The following PRKN variants were observed in gnomAD, a reference collection of about 807,000 sequenced individuals.
The protein encoded by PRKN is E3 ubiquitin-protein ligase parkin.
A neutral mutation model predicts 59.5 loss-of-function variants in PRKN; 56 were observed. The observed-to-expected ratio is 0.94, with a 90% CI of 0.76 to 1.18. The LOEUF is 1.18. Among genes scored for constraint, PRKN ranks in the 50% most tolerant of loss-of-function variants. The pLI, the probability that PRKN is intolerant of heterozygous loss-of-function variation, is 0.00. For missense variants in PRKN, 657 were observed against 596.4 expected (o/e 1.10, Z -1.06); for synonymous variants, 250 against 222.1 (o/e 1.13, Z -1.12).
chr6:162,490,584 T>G (rs1792764470), intron 1 of PRKN, among the ~76,000 whole-genome samples: 1 of 152,222 alleles, frequency 6.6e-6, no homozygotes, highest in Non-Finnish European at 1.5e-5. Flanking sequence ...CTTTTTTCTT[T>G]AAGAAAACAA....
chr6:162,647,949 C>CAAAAAAAAAAAAAAAAAAAAAAAAAAA lies in PRKN; in HGVS notation c.7+79686_7+79712dup, dbSNP rs398003250. Reference sequence around the variant, plus strand: ...GAACCATCTCTATATGTCCACAGTGCAAAAAAAAAAAAAAAAAAAAAAAAA... The same window carrying CAAAAAAAAAAAAAAAAAAAAAAAAAAA: ...GAACCATCTCTATATGTCCACAGTGCAAAAAAAAAAAAAAAAAAAAAAAAAAAAAAAAAAAAAAAAAAAAAAAAAAAA... On this transcript the variant is annotated intron_variant, in intron 1 of 11. Coordinates refer to ENST00000366898, the MANE Select transcript of PRKN (RefSeq NM_004562.3). 1.1e-4 allele frequency among the ~76,000 whole-genome samples: 8 copies of CAAAAAAAAAAAAAAAAAAAAAAAAAAA among 75,650 alleles called. 3 individuals are homozygous for CAAAAAAAAAAAAAAAAAAAAAAAAAAA. Among genetic ancestry groups the CAAAAAAAAAAAAAAAAAAAAAAAAAAA allele is most frequent in the Admixed American group, 3.4e-4 (2 of 5,826 alleles). The allele number at this position is 75,650 out of a possible 152,430, so 49.6% of individuals were successfully genotyped here.
intron 9 of PRKN, among the ~76,000 whole-genome samples, chr6:161,438,824 C>A (rs1053557951): frequency 1.9e-4 from 29 of 152,120 alleles, no homozygotes; most frequent in Non-Finnish European, 4.4e-5. Flanking sequence ...AATTAACATA[C>A]ATTTTATTAA....
At chr6:161,906,581 A>G (rs1459576244) in intron 6 of PRKN, among the ~76,000 whole-genome samples, 2 of 151,346 alleles carry the variant, frequency 1.3e-5, no homozygotes, top group African/African-American at 4.9e-5. Context: ...TATTTTTACA[A>G]CCTTCTAGGG....
At position 161,388,229 on chromosome 6, in the gene PRKN, A is replaced by C. The variant is rs769463016; in HGVS notation, c.1084-1352T>G. On this transcript the variant is annotated intron_variant, in intron 9 of 11. Coordinates refer to ENST00000366898, the MANE Select transcript of PRKN (RefSeq NM_004562.3). This position sits in a 1 kb window ranked among gnomAD's most constrained non-coding sequence, Gnocchi z 4.3. ...CCTTGGTTTCCACCTTGGAAATGCT[A>C]GGATAACAGCGATAGCTTTCTCATA... Among the ~76,000 whole-genome samples, 11 of 152,188 alleles carry C rather than the reference A, an allele frequency of 7.2e-5. No homozygotes were observed. Among genetic ancestry groups the C allele is most frequent in the Non-Finnish European group, 1.0e-4 (7 of 68,026 alleles).
chr6:162,656,597 G>C (rs1229171764), intron 1 of PRKN, among the ~76,000 whole-genome samples: 3 of 152,156 alleles, frequency 2.0e-5, no homozygotes, highest in African/African-American at 7.2e-5. Context: ...GCACATGAAT[G>C]CAAGTCTGTA....
chr6:162,506,278 T>C (rs1008463816), intron 1 of PRKN, among the ~76,000 whole-genome samples: 6 of 123,396 alleles, frequency 4.9e-5, no homozygotes, highest in African/African-American at 1.3e-4. Context: ...AAAAAAGGAA[T>C]GCCTTTAGAG....
chr6:162,663,216 A>G (rs1296154667), intron 1 of PRKN, among the ~76,000 whole-genome samples: 1 of 152,168 alleles, frequency 6.6e-6, no homozygotes, highest in African/African-American at 2.4e-5. Context: ...AATTCTTCCA[A>G]TGCTCACAAT....
intron 7 of PRKN, among the ~76,000 whole-genome samples, chr6:161,611,821 C>T (rs1022533957): frequency 3.1e-4 from 47 of 152,298 alleles, no homozygotes; most frequent in African/African-American, 1.1e-3. Context: ...ATGTCAAGTT[C>T]TAGATCTCTT....
intron 4 of PRKN, among the ~76,000 whole-genome samples, chr6:162,144,885 C>G (rs142021944): frequency 2.0e-5 from 3 of 152,008 alleles, no homozygotes; most frequent in African/African-American, 7.3e-5. Context: ...AGTGAAACGA[C>G]GAGGATGAAC....
intron 7 of PRKN, among the ~76,000 whole-genome samples, chr6:161,719,311 A>G (rs1364383724): frequency 1.3e-5 from 2 of 152,048 alleles, no homozygotes; most frequent in Non-Finnish European, 2.9e-5. Context: ...AGGAAAAAGG[A>G]GAAGAGAGGG....
chr6:162,622,298 T>G lies in PRKN; in HGVS notation c.7+105364A>C, dbSNP rs867872011. ...TATTTCCTTTCAAATTCTGTTTTTT[T>G]TTTTGTTTTGTTTTTTTTTGGTAGC... On this transcript the variant is annotated intron_variant, in intron 1 of 11. Transcript: ENST00000366898. 4.2e-3 allele frequency among the ~76,000 whole-genome samples: 554 copies of G among 131,952 alleles called. 4 individuals are homozygous for G. Among genetic ancestry groups the G allele is most frequent in the African/African-American group, 0.014 (504 of 36,918 alleles). The allele number at this position is 131,952 out of a possible 152,430, so 86.6% of individuals were successfully genotyped here. A position where few individuals can be genotyped will look rare whatever the true frequency, so the allele number is the denominator to read the frequency against.
chr6:162,506,007 A>G (rs541303640), intron 1 of PRKN, among the ~76,000 whole-genome samples: 1 of 152,292 alleles, frequency 6.6e-6, no homozygotes, highest in South Asian at 2.1e-4. Context: ...CAGCAAAGGA[A>G]GGGAGCTTTA....
intron 2 of PRKN, among the ~76,000 whole-genome samples, chr6:162,304,111 A>G (rs535022213): frequency 1.3e-5 from 2 of 151,556 alleles, no homozygotes; most frequent in African/African-American, 4.8e-5. Flanking sequence ...AAGTAATCCA[A>G]GTGATTATAA....
intron 6 of PRKN, among the ~76,000 whole-genome samples, chr6:161,835,097 G>T (rs545521443): frequency 6.6e-6 from 1 of 152,304 alleles, no homozygotes; most frequent in African/African-American, 2.4e-5. Context: ...CCCCTCTGGA[G>T]TTTCAGGATA....
intron 2 of PRKN, among the ~76,000 whole-genome samples, chr6:162,290,831 T>G (rs1781397374): frequency 6.6e-6 from 1 of 152,178 alleles, no homozygotes; most frequent in African/African-American, 2.4e-5. Context: ...GCAAGTTTCT[T>G]GGCAAAGACA....
intron 9 of PRKN, among the ~76,000 whole-genome samples, chr6:161,534,365 A>AT (rs1779333050): frequency 6.6e-6 from 1 of 152,178 alleles, no homozygotes; most frequent in Non-Finnish European, 1.5e-5. Context: ...TCACTGCATC[A>AT]TTCATGATTG....
chr6:161,611,503 A>G (rs1782488757), intron 7 of PRKN, among the ~76,000 whole-genome samples: 1 of 152,142 alleles, frequency 6.6e-6, no homozygotes, highest in Non-Finnish European at 1.5e-5. Flanking sequence ...CATATTTGTT[A>G]TGGTGACCTG....
chr6:161,443,325 A>G (rs376084951), intron 9 of PRKN, among the ~76,000 whole-genome samples: 13 of 149,926 alleles, frequency 8.7e-5, no homozygotes, highest in Admixed American at 2.0e-4. Flanking sequence ...AAAAAAAAAA[A>G]AATCAGGGAG....
intron 4 of PRKN, among the ~76,000 whole-genome samples, chr6:162,140,535 C>T (rs1425141450): frequency 6.6e-6 from 1 of 152,138 alleles, no homozygotes; most frequent in Non-Finnish European, 1.5e-5. Context: ...TTAGACGGCA[C>T]CAGCTCTCTG....
Sources: gnomAD v4.1 joint callset for allele counts (sites outside exome capture counted in the v4.1 genomes callset) on GRCh38, gnomAD v4.1.1 for gene constraint, Gnocchi (gnomAD v3.1) non-coding constraint, MANE v1.5 for transcripts, NCBI Gene and HGNC (gene_info 2026-07-23, HGNC 2026-07-21) for gene names.